Variants in PTPRU observed in about 807,000 individuals in gnomAD.
PTPRU encodes the protein protein tyrosine phosphatase receptor type U, also known as receptor-type tyrosine-protein phosphatase U.
In PTPRU, 69 loss-of-function variants were observed where a neutral mutation model predicts 166.3. The observed-to-expected ratio is 0.41, with a 90% confidence interval of 0.34 to 0.51. The LOEUF is 0.51. Among genes scored for constraint, PTPRU ranks in the 20% least tolerant of loss-of-function variants. The pLI, the probability that PTPRU is intolerant of heterozygous loss-of-function variation, is 0.09. For synonymous variants in PTPRU, 793 were observed against 814.0 expected (o/e 0.97, Z 0.44); for missense variants, 1,657 against 2,013.7 (o/e 0.82, Z 3.39).
intron 7 of PTPRU, 151 bp from the exon 8 acceptor site, chr1:29,275,296 CT>C: frequency 1.2e-6 from 1 of 800,714 alleles, no homozygotes; most frequent in Non-Finnish European, 1.9e-6. Context: ...CATACTTTTA[CT>C]CCCTGTTTGA....
intron 15 of PTPRU, among the ~76,000 whole-genome samples, chr1:29,292,700 A>G (rs554300984): frequency 3.0e-4 from 45 of 152,324 alleles, no homozygotes; most frequent in African/African-American, 8.7e-4. Flanking sequence ...AAATCATAAC[A>G]ATACAACAAA....
intron 15 of PTPRU, among the ~76,000 whole-genome samples, chr1:29,292,477 G>C (rs1471375168): frequency 2.0e-5 from 3 of 152,146 alleles, no homozygotes; most frequent in Non-Finnish European, 4.4e-5. Context: ...TATAAAATGG[G>C]AATGCAGATT....
Position 29,259,406 on chromosome 1 carries a change from AG to A in PTPRU, c.560-38del, listed in dbSNP as rs760853946. 6.2e-6 allele frequency: 10 copies of A among 1,608,026 alleles called. No individual in the cohort carries two copies. The African/African-American group carries it at 6.7e-5, about 11-fold the overall frequency. ...GTGGGCGGCCGCGGCTCCTGCCTGCAGGGGGTGCAGGCCCAGCTCACGATGC... is the reference window on the plus strand; with the variant it reads ...GTGGGCGGCCGCGGCTCCTGCCTGCAGGGGTGCAGGCCCAGCTCACGATGC... On this transcript the variant is annotated intron_variant, in intron 4 of 29. Coordinates refer to ENST00000373779, the MANE Select transcript of PTPRU (RefSeq NM_133178.4).
At chr1:29,275,361 G>A in intron 7 of PTPRU, 87 bp from the exon 8 acceptor site, 1 of 1,376,468 alleles carries the variant, frequency 7.3e-7, no homozygotes, top group Non-Finnish European at 9.9e-7. Context: ...ATTTCAGGCA[G>A]CTGACTGATG....
At chr1:29,288,194 G>A (rs1305649774) in intron 14 of PTPRU, among the ~76,000 whole-genome samples, 1 of 152,148 alleles carries the variant, frequency 6.6e-6, no homozygotes, top group Non-Finnish European at 1.5e-5. Flanking sequence ...CTCATTTATT[G>A]ATTACTCCAT....
chr1:29,312,842 A>G, intron 22 of PTPRU, 136 bp downstream of exon 22: 1 of 1,183,618 alleles, frequency 8.4e-7, no homozygotes, highest in South Asian at 2.0e-5. Context: ...GCAGGAGGGA[A>G]CGACCCCCAA....
intron 7 of PTPRU, among the ~76,000 whole-genome samples, chr1:29,272,100 A>G (rs930560632): frequency 5.9e-5 from 9 of 152,248 alleles, no homozygotes; most frequent in African/African-American, 2.2e-4. Context: ...TCTGGGAAAG[A>G]TGGCAAGTGA....
chr1:29,265,651 C>T (rs979343915), intron 7 of PTPRU, among the ~76,000 whole-genome samples: 2 of 152,166 alleles, frequency 1.3e-5, no homozygotes, highest in Non-Finnish European at 2.9e-5. Context: ...ACATGAGCCA[C>T]GGCACCTGGA....
At chr1:29,298,509 G>A (rs552932222) in intron 15 of PTPRU, among the ~76,000 whole-genome samples, 3 of 152,268 alleles carry the variant, frequency 2.0e-5, no homozygotes, top group Middle Eastern at 3.4e-3. Context: ...ACTGGTGGCG[G>A]GGCTGGTGTG....
At chr1:29,278,875 C>A in intron 8 of PTPRU, 137 bp from the exon 9 acceptor site, 1 of 640,684 alleles carries the variant, frequency 1.6e-6, no homozygotes, top group Non-Finnish European at 2.7e-6. Context: ...TCCCACTTCA[C>A]AGCTGAGTTA....
At position 29,320,301 on chromosome 1, in the gene PTPRU, A is replaced by G. The variant is rs1688094595; in HGVS notation, c.3688-384A>G. The G allele has an allele frequency of 5.7e-6, 1 of 176,930 alleles. No homozygotes were observed. Among genetic ancestry groups the G allele is most frequent in the East Asian group, 1.5e-4 (1 of 6,866 alleles). 11.0% of individuals were successfully genotyped at this position (176,930 alleles called of 1,614,324 possible). A position where few individuals can be genotyped will look rare whatever the true frequency, so the allele number is the denominator to read the frequency against. On this transcript the variant is annotated intron_variant, in intron 25 of 29. Coordinates refer to ENST00000373779, the MANE Select transcript of PTPRU (RefSeq NM_133178.4). This position sits in a 1 kb window ranked among gnomAD's most constrained non-coding sequence, Gnocchi z 5.2. The stretch of plus-strand genomic sequence containing the variant: ...AGTAAAGACCAGAAGGAAGTGAGGG[A>G]GACAGCCATATAGACATTTGGGAAA...
At chr1:29,285,749 A>T (rs1686315463) in intron 14 of PTPRU, among the ~76,000 whole-genome samples, 1 of 152,180 alleles carries the variant, frequency 6.6e-6, no homozygotes, top group Admixed American at 6.5e-5. Flanking sequence ...AGTAAAATGG[A>T]GCAGATGAAG....
Position 29,291,406 on chromosome 1 carries a change from G to T in PTPRU, c.2319-463G>T, listed in dbSNP as rs1686626623. Among the ~76,000 whole-genome samples, 1 of 151,916 alleles carries T rather than the reference G, an allele frequency of 6.6e-6. No individual in the cohort carries two copies. ...CCTCCTTCCTGCAGGAGAAGGAGGA[G>T]TCTGGAGAGTGGTCCCTGTTTAACA... On this transcript the variant is annotated intron_variant, in intron 14 of 29. Coordinates refer to ENST00000373779, the MANE Select transcript of PTPRU (RefSeq NM_133178.4). This position sits in a 1 kb window ranked among gnomAD's most constrained non-coding sequence, Gnocchi z 4.1.
In PTPRU at chr1:29,282,560, T is replaced by C. The variant is rs1353368606; in HGVS notation, c.1869-116T>C. 7.4e-6 allele frequency: 10 copies of C among 1,354,022 alleles called. No homozygotes were observed. The East Asian group carries it at 1.8e-4, about 24-fold the overall frequency. 83.9% of individuals were successfully genotyped at this position (1,354,022 alleles called of 1,614,324 possible). Reference sequence around the variant, plus strand: ...CTTGCCCAGCTAGTAAGGAGCAGTGTGTGGAAGTTAGTCCCCAGGAGGGCT... The same window carrying C: ...CTTGCCCAGCTAGTAAGGAGCAGTGCGTGGAAGTTAGTCCCCAGGAGGGCT... On this transcript the variant is annotated intron_variant, in intron 11 of 29. Coordinates refer to ENST00000373779, the MANE Select transcript of PTPRU (RefSeq NM_133178.4).
chr1:29,267,848 G>A (rs777463119), intron 7 of PTPRU, among the ~76,000 whole-genome samples: 8 of 152,238 alleles, frequency 5.3e-5, no homozygotes, highest in Non-Finnish European at 1.0e-4. Flanking sequence ...AGACCAGGGA[G>A]GAGGCTACTG....
Position 29,291,098 on chromosome 1 carries a change from C to T in PTPRU, c.2319-771C>T, listed in dbSNP as rs1452862656. 2.6e-5 allele frequency among the ~76,000 whole-genome samples: 4 copies of T among 152,226 alleles called. No individual in the cohort carries two copies. The highest frequency in any genetic ancestry group is 9.6e-5 in the African/African-American group (4 of 41,462). On this transcript the variant is annotated intron_variant, in intron 14 of 29. Transcript: ENST00000373779. This position sits in a 1 kb window ranked among gnomAD's most constrained non-coding sequence, Gnocchi z 4.1. ...TTTCCTCCAAGTTCCTTCGAAGTCA[C>T]AAACTGCCATCCTCATCCGTGAAGC... is the stretch of plus-strand genomic sequence containing the variant.
intron 15 of PTPRU, among the ~76,000 whole-genome samples, chr1:29,303,617 C>T (rs1261566267): frequency 6.6e-6 from 1 of 152,194 alleles, no homozygotes; most frequent in Non-Finnish European, 1.5e-5. Context: ...GCCGCAAGGG[C>T]CCTCGGAGGC....
At chr1:29,262,836 C>T (rs1037481312) in intron 7 of PTPRU, among the ~76,000 whole-genome samples, 14 of 152,092 alleles carry the variant, frequency 9.2e-5, no homozygotes, top group Non-Finnish European at 2.1e-4. Flanking sequence ...TAGCAGTCAT[C>T]CCCATTTCAC....
chr1:29,277,803 C>CTATTTTTTTT (rs1685875052), intron 8 of PTPRU, among the ~76,000 whole-genome samples: 1 of 50,564 alleles, frequency 2.0e-5, no homozygotes, highest in Non-Finnish European at 3.3e-5. Flanking sequence ...AGTTGTCATT[C>CTATTTTTTTT]TTTTTTTTTT....
Sources: gnomAD v4.1 joint callset for allele counts (sites outside exome capture counted in the v4.1 genomes callset) on GRCh38, gnomAD v4.1.1 for gene constraint, Gnocchi (gnomAD v3.1) non-coding constraint, MANE v1.5 for transcripts, NCBI Gene and HGNC (gene_info 2026-07-23, HGNC 2026-07-21) for gene names.